ZNF385A: variants seen among roughly 807,000 people sequenced by gnomAD.
ZNF385A encodes the protein zinc finger protein 385A.
Under a neutral mutation model 32.1 loss-of-function variants are expected in ZNF385A, and 14 were observed. The ratio of observed to expected loss-of-function variants is 0.44; its 90% confidence interval spans 0.29 to 0.68. The LOEUF is 0.68. ZNF385A is among the 30% of genes least tolerant of loss of function. ZNF385A has a pLI of 0.14. For missense variants in ZNF385A, 406 were observed against 478.4 expected (o/e 0.85, Z 1.41); for synonymous variants, 197 against 202.7 (o/e 0.97, Z 0.24).
At chr12:54,379,181 T>TCGGGGCTGTGCGGCC (rs1451242919) in intron 1 of ZNF385A, 76 of 977,936 alleles carry the variant, frequency 7.8e-5, no homozygotes, top group Non-Finnish European at 8.9e-5. Flanking sequence ...CCCGGGCGGC[T>TCGGGGCTGTGCGGCC]CGGGGCTGTG....
upstream of ZNF385A, among the ~76,000 whole-genome samples, chr12:54,388,826 C>G (rs542823619): frequency 3.9e-5 from 6 of 152,256 alleles, no homozygotes; most frequent in East Asian, 1.2e-3. Flanking sequence ...ACCCCTGGGT[C>G]TTTTTTACCA....
upstream of ZNF385A, among the ~76,000 whole-genome samples, chr12:54,388,682 G>A (rs2120368915): frequency 6.6e-6 from 1 of 152,286 alleles, no homozygotes; most frequent in South Asian, 2.1e-4. Flanking sequence ...GTTAAAATGG[G>A]AATTAGACTT....
At chr12:54,375,067 AGT>A (rs35300449) in intron 2 of ZNF385A, among the ~76,000 whole-genome samples, 4 of 150,434 alleles carry the variant, frequency 2.7e-5, no homozygotes, top group African/African-American at 9.7e-5. Context: ...AGTAGTATGG[AGT>A]GTGTGTGTGT....
intron 1 of ZNF385A, chr12:54,391,158 A>C: frequency 1.4e-6 from 2 of 1,413,406 alleles, no homozygotes; most frequent in Non-Finnish European, 1.9e-6. Flanking sequence ...GTGCCGGGAG[A>C]TGGTGGAGGG....
At chr12:54,380,760 A>C (rs1955116282) in intron 1 of ZNF385A, among the ~76,000 whole-genome samples, 1 of 152,206 alleles carries the variant, frequency 6.6e-6, no homozygotes, top group South Asian at 2.1e-4. Context: ...ATAGCATAAT[A>C]ATCATAGCAG....
Position 54,370,188 on chromosome 12 carries a change from C to T in ZNF385A, c.*68G>A. On this transcript the variant is annotated 3_prime_UTR_variant, in exon 7 of 7. Transcript: ENST00000394313. The surrounding 1 kb of genome is among the most constrained non-coding windows in gnomAD (Gnocchi z 5.5). ...AGGGAGTGCCGGGAGGAGGGGCGGG[C>T]TGGGAGCCCGGACGCCTGGGTCCCG... is the stretch of plus-strand genomic sequence containing the variant. 2 of 1,234,488 alleles carry T rather than the reference C, an allele frequency of 1.6e-6. No individual in the cohort carries two copies. The highest frequency in any genetic ancestry group is 1.1e-6 in the Non-Finnish European group (1 of 925,936). The allele number at this position is 1,234,488 out of a possible 1,614,324, so 76.5% of individuals were successfully genotyped here. A position where few individuals can be genotyped will look rare whatever the true frequency, so the allele number is the denominator to read the frequency against.
At chr12:54,385,900 G>C (rs958642332), upstream of ZNF385A, 4 of 153,022 alleles carry the variant, frequency 2.6e-5, no homozygotes, top group African/African-American at 7.2e-5. Flanking sequence ...CGACAGGGAG[G>C]GGGTGGGGAG....
upstream of ZNF385A, among the ~76,000 whole-genome samples, chr12:54,386,173 G>GACACACACACAC (rs57780822): frequency 6.7e-4 from 93 of 138,124 alleles, no homozygotes; most frequent in African/African-American, 2.1e-3. Context: ...GTGGAGAGAG[G>GACACACACACAC]ACACACACAC....
At chr12:54,387,360 A>G (rs914192700), upstream of ZNF385A, among the ~76,000 whole-genome samples, 1 of 152,170 alleles carries the variant, frequency 6.6e-6, no homozygotes, top group Non-Finnish European at 1.5e-5. Context: ...AACTGGAGAC[A>G]AACTATCTAC....
chr12:54,389,697 C>A (rs1209308255), upstream of ZNF385A, among the ~76,000 whole-genome samples: 1 of 152,056 alleles, frequency 6.6e-6, no homozygotes, highest in Non-Finnish European at 1.5e-5. Context: ...AGGGTGGAGC[C>A]AGGGTGCAGA....
At chr12:54,382,754 C>A (rs960434392) in intron 1 of ZNF385A, among the ~76,000 whole-genome samples, 2 of 152,238 alleles carry the variant, frequency 1.3e-5, no homozygotes, top group Admixed American at 6.5e-5. Context: ...CTCTAGCCCA[C>A]CTTCCAGGCT....
Position 54,384,718 on chromosome 12 carries a change from A to G in ZNF385A, c.-204T>C. On this transcript the variant is annotated 5_prime_UTR_variant, in exon 1 of 7. Transcript: ENST00000394313. ...TACACACTTCCCCTGCTGGCTCCAG[A>G]GCAATGGAGCACAGTGCCCTGTGGG... 1 of 1,341,114 alleles carries G rather than the reference A, an allele frequency of 7.5e-7. No individual in the cohort carries two copies. The highest frequency in any genetic ancestry group is 1.5e-5 in the African/African-American group (1 of 65,746). The allele number at this position is 1,341,114 out of a possible 1,614,324, so 83.1% of individuals were successfully genotyped here.
At chr12:54,391,065 G>C (rs1286695630) in intron 1 of ZNF385A, among the ~76,000 whole-genome samples, 1 of 152,192 alleles carries the variant, frequency 6.6e-6, no homozygotes, top group Admixed American at 6.5e-5. Flanking sequence ...AAGAGGGGAA[G>C]AGGGGAAGAG....
chr12:54,382,429 G>T (rs1207573857), intron 1 of ZNF385A, among the ~76,000 whole-genome samples: 2 of 152,142 alleles, frequency 1.3e-5, no homozygotes, highest in African/African-American at 4.8e-5. Flanking sequence ...CTCATTTGGG[G>T]GGAGCAGCTG....
intron 3 of ZNF385A, 97 bp from the exon 4 acceptor site, chr12:54,371,812 G>A (rs1954569686): frequency 1.9e-6 from 3 of 1,546,826 alleles, no homozygotes; most frequent in Middle Eastern, 2.2e-4. Flanking sequence ...GAGGGCAAGG[G>A]ACCAGGAGTC....
intron 2 of ZNF385A, among the ~76,000 whole-genome samples, chr12:54,375,054 C>T (rs892223565): frequency 6.9e-6 from 1 of 144,102 alleles, no homozygotes; most frequent in African/African-American, 2.5e-5. Context: ...GTGTGCAGAG[C>T]CCAGTAGTAT....
In ZNF385A at chr12:54,371,532, T is replaced by A; in HGVS notation, c.545A>T (p.Tyr182Phe). 1 of 1,613,458 alleles carries A rather than the reference T, an allele frequency of 6.2e-7. No individual in the cohort carries two copies. The highest frequency in any genetic ancestry group is 1.1e-5 in the South Asian group (1 of 91,018). ...CACAGCCACCTTGCACAGAGCACAG[T>A]AGAGCAGCCGCTTGGCTTTCTCCTC... ...EEEEKAKRLL[Y>F]CALCKVAVNS... The change falls in exon 4 of 7, where the codon TAC (tyrosine) becomes TTC (phenylalanine). Residue 182 changes from tyrosine to phenylalanine, a missense_variant. Coordinates refer to ENST00000394313, the MANE Select transcript of ZNF385A (RefSeq NM_015481.3).
At chr12:54,389,827 C>T (rs1370658359) in intron 1 of ZNF385A, among the ~76,000 whole-genome samples, 2 of 152,072 alleles carry the variant, frequency 1.3e-5, no homozygotes, top group Non-Finnish European at 1.5e-5. Context: ...ATACCTTCCC[C>T]TGCTGGAGAG....
rs1161948943 is a variant in ZNF385A, at chr12:54,370,900, A to C, written c.774+27T>G. ...CCACTTAGCGGGTGGAGCGTCCCAG[A>C]ATTCCTGGGAAGGGCCTTAGACCCA... On this transcript the variant is annotated intron_variant, in intron 5 of 6. Coordinates refer to ENST00000394313, the MANE Select transcript of ZNF385A (RefSeq NM_015481.3). This position sits in a 1 kb window ranked among gnomAD's most constrained non-coding sequence, Gnocchi z 5.5. The C allele has an allele frequency of 6.2e-7, 1 of 1,613,894 alleles. No individual in the cohort carries two copies. The highest frequency in any genetic ancestry group is 2.2e-5 in the East Asian group (1 of 44,872).
Sources: allele counts gnomAD v4.1 joint callset (sites outside exome capture counted in the v4.1 genomes callset), GRCh38; gene constraint gnomAD v4.1.1; non-coding constraint Gnocchi (gnomAD v3.1); transcripts MANE v1.5; gene names NCBI Gene and HGNC (gene_info 2026-07-23, HGNC 2026-07-21).